The following SLC6A5 variants were observed in gnomAD, a reference collection of about 807,000 sequenced individuals.
The protein encoded by SLC6A5 is solute carrier family 6 member 5.
In SLC6A5, 58 loss-of-function variants were observed where a neutral mutation model predicts 90.5. The ratio of observed to expected loss-of-function variants is 0.64; its 90% CI spans 0.52 to 0.80. The LOEUF is 0.80. SLC6A5 is among the 30% of genes least tolerant of loss of function. The pLI is 0.00. For missense variants in SLC6A5, 1,015 were observed against 1,017.6 expected (o/e 1.00, Z 0.03); for synonymous variants, 427 against 401.4 (o/e 1.06, Z -0.76).
intron 5 of SLC6A5, among the ~76,000 whole-genome samples, chr11:20,608,998 C>T (rs1309526545): frequency 7.6e-6 from 1 of 131,366 alleles, no homozygotes; most frequent in Admixed American, 7.7e-5. Flanking sequence ...GTGTTTAAAG[C>T]AGGCTGAGCA....
At chr11:20,651,624 C>T (rs1187876893) in intron 14 of SLC6A5, among the ~76,000 whole-genome samples, 3 of 151,038 alleles carry the variant, frequency 2.0e-5, no homozygotes, top group East Asian at 2.0e-4. Context: ...ACAGAAAATA[C>T]GGGCTGGGCA....
At chr11:20,621,458 T>C (rs1324462320) in intron 7 of SLC6A5, among the ~76,000 whole-genome samples, 2 of 152,226 alleles carry the variant, frequency 1.3e-5, no homozygotes, top group African/African-American at 2.4e-5. Flanking sequence ...CTTTCTGGAA[T>C]AGGAAGTTTT....
chr11:20,623,025 A>G (rs1852921461), intron 7 of SLC6A5, among the ~76,000 whole-genome samples: 1 of 152,188 alleles, frequency 6.6e-6, no homozygotes, highest in Admixed American at 6.5e-5. Context: ...ACTTCTCCTT[A>G]GACTTCAAGG....
chr11:20,617,265 C>T (rs1375469453), intron 6 of SLC6A5, among the ~76,000 whole-genome samples: 2 of 152,230 alleles, frequency 1.3e-5, no homozygotes, highest in Non-Finnish European at 2.9e-5. Context: ...ACTTGAACTA[C>T]AATCCAGGGC....
In SLC6A5 at chr11:20,658,765, A is replaced by G. The variant is rs1853666515; in HGVS notation, c.*3897A>G. On this transcript the variant is annotated 3_prime_UTR_variant, in exon 16 of 16. Coordinates refer to ENST00000525748, the MANE Select transcript of SLC6A5 (RefSeq NM_004211.5). ...TTGACTTGCCTGCCACGGATTAAAT[A>G]CATCTTCAGGTAACCATTTGCCTTA... The G allele has an allele frequency of 6.6e-6, 1 of 152,174 alleles. No individual in the cohort carries two copies. Among genetic ancestry groups the G allele is most frequent in the African/African-American group, 2.4e-5 (1 of 41,440 alleles). 9.4% of individuals were successfully genotyped at this position (152,174 alleles called of 1,614,324 possible). A position where few individuals can be genotyped will look rare whatever the true frequency, so the allele number is the denominator to read the frequency against.
In SLC6A5 at chr11:20,603,789, G is replaced by T. The variant is rs140981602; in HGVS notation, c.541-497G>T. Among the ~76,000 whole-genome samples, 44 of 152,238 alleles carry T rather than the reference G, an allele frequency of 2.9e-4. 1 individual carries two copies. The East Asian group carries it at 8.5e-3, about 29-fold the overall frequency. ...TTCTGGTCTTGGCACACACTCTAAAGGAAGAAATGGCTGAGGAGGAGGTGT... is the reference window on the plus strand; with the variant it reads ...TTCTGGTCTTGGCACACACTCTAAATGAAGAAATGGCTGAGGAGGAGGTGT... On this transcript the variant is annotated intron_variant, in intron 2 of 15. Coordinates refer to ENST00000525748, the MANE Select transcript of SLC6A5 (RefSeq NM_004211.5).
chr11:20,621,014 G>T lies in SLC6A5; in HGVS notation c.1260+3130G>T, dbSNP rs183238607. Among the ~76,000 whole-genome samples the T allele has an allele frequency of 1.4e-4, 22 of 152,172 alleles. No individual in the cohort carries two copies. The East Asian group carries it at 4.1e-3, about 28-fold the overall frequency. ...GACAGGATTTCACCGTGTTGGCCAG[G>T]CTAGTCTTGACCTCTTGATCTCAGG... On this transcript the variant is annotated intron_variant, in intron 7 of 15. Transcript: ENST00000525748.
At chr11:20,644,276 G>C (rs1404381302) in intron 13 of SLC6A5, among the ~76,000 whole-genome samples, 2 of 151,978 alleles carry the variant, frequency 1.3e-5, no homozygotes, top group Non-Finnish European at 2.9e-5. Flanking sequence ...CCATTCTGCT[G>C]TCTCCTTCTC....
chr11:20,641,137 CTT>C (rs894738994), intron 13 of SLC6A5, among the ~76,000 whole-genome samples: 4 of 152,108 alleles, frequency 2.6e-5, no homozygotes, highest in Non-Finnish European at 5.9e-5. Flanking sequence ...CTTTAGCAGA[CTT>C]TTATCTAAGT....
At chr11:20,615,773 A>G (rs1852773952) in intron 6 of SLC6A5, among the ~76,000 whole-genome samples, 1 of 151,202 alleles carries the variant, frequency 6.6e-6, no homozygotes, top group Non-Finnish European at 1.5e-5. Flanking sequence ...ATTCAAATGT[A>G]CTCGGGCATG....
At chr11:20,614,648 C>T in intron 5 of SLC6A5, 31 bp from the exon 6 acceptor site, 1 of 1,603,454 alleles carries the variant, frequency 6.2e-7, no homozygotes, top group South Asian at 1.1e-5. Context: ...ACAGATTTAA[C>T]TGTGTTTCTA....
At chr11:20,633,695 A>G (rs1054325677) in intron 10 of SLC6A5, among the ~76,000 whole-genome samples, 1 of 152,308 alleles carries the variant, frequency 6.6e-6, no homozygotes, top group East Asian at 1.9e-4. Context: ...CTGAGTTCAT[A>G]GTATGTCCAG....
intron 7 of SLC6A5, among the ~76,000 whole-genome samples, chr11:20,624,158 T>C (rs7936680): frequency 0.11 from 16,493 of 148,900 alleles, 1,012 homozygotes; most frequent in East Asian, 0.21. Context: ...ATATTATATA[T>C]ATATATTTTT....
At chr11:20,634,858 G>A (rs536948617) in intron 10 of SLC6A5, among the ~76,000 whole-genome samples, 20 of 152,246 alleles carry the variant, frequency 1.3e-4, no homozygotes, top group African/African-American at 4.3e-4. Flanking sequence ...GATTGTGGAC[G>A]TGTGCTGGCT....
Position 20,655,269 on chromosome 11 carries a change from C to G in SLC6A5, c.*401C>G. ...GCCGAATTACAAGACTTTATTTGGA[C>G]TTGAACAGAACTGAGCAATGTGGTG... On this transcript the variant is annotated 3_prime_UTR_variant, in exon 16 of 16. Transcript: ENST00000525748. 1 of 322,422 alleles carries G rather than the reference C, an allele frequency of 3.1e-6. No homozygotes were observed. Among genetic ancestry groups the G allele is most frequent in the Non-Finnish European group, 6.1e-6 (1 of 163,576 alleles). 20.0% of individuals were successfully genotyped at this position (322,422 alleles called of 1,614,324 possible).
At chr11:20,607,372 C>A (rs1852603800) in intron 4 of SLC6A5, 107 bp from the exon 5 acceptor site, 1 of 1,309,986 alleles carries the variant, frequency 7.6e-7, no homozygotes, top group Non-Finnish European at 1.1e-6. Context: ...ATTAGTGCAT[C>A]CATTCTGTAC....
Position 20,599,639 on chromosome 11 carries a change from C to T in SLC6A5, c.-34C>T, listed in dbSNP as rs761837546. Reference sequence around the variant, plus strand: ...CAGTCTTGTCAATAGCGGGTTTCACCCTCCACCAGTTCAGTCTGTTGCCTG... The same window carrying T: ...CAGTCTTGTCAATAGCGGGTTTCACTCTCCACCAGTTCAGTCTGTTGCCTG... On this transcript the variant is annotated 5_prime_UTR_variant, in exon 1 of 16. Coordinates refer to ENST00000525748, the MANE Select transcript of SLC6A5 (RefSeq NM_004211.5). 2.6e-5 allele frequency: 42 copies of T among 1,613,970 alleles called. No individual in the cohort carries two copies. The highest frequency in any genetic ancestry group is 3.6e-5 in the Non-Finnish European group (42 of 1,179,972).
At chr11:20,644,723 G>T (rs1853376683) in intron 13 of SLC6A5, among the ~76,000 whole-genome samples, 1 of 152,264 alleles carries the variant, frequency 6.6e-6, no homozygotes, top group Middle Eastern at 3.4e-3. Context: ...CATGTATCTT[G>T]AGTGTACAAC....
intron 5 of SLC6A5, among the ~76,000 whole-genome samples, chr11:20,614,273 T>C (rs187389131): frequency 4.0e-4 from 61 of 152,350 alleles, no homozygotes; most frequent in Admixed American, 2.7e-3. Flanking sequence ...CGAATCCTGA[T>C]TCTCTTCCTC....
Sources: gnomAD v4.1 joint callset for allele counts (sites outside exome capture counted in the v4.1 genomes callset) on GRCh38, gnomAD v4.1.1 for gene constraint, MANE v1.5 for transcripts, NCBI Gene and HGNC (gene_info 2026-07-23, HGNC 2026-07-21) for gene names.